Variants in CFAP100 observed in about 807,000 individuals in gnomAD.
CFAP100 encodes the protein cilia and flagella associated protein 100.
In CFAP100, 70 loss-of-function variants were observed where a neutral mutation model predicts 81.5. That is an observed-to-expected ratio of 0.86 (90% CI 0.71 to 1.05). The LOEUF (loss-of-function observed/expected upper bound fraction) is 1.05, where lower values mean the gene tolerates loss of function less well. Among genes scored for constraint, CFAP100 ranks in the 50% least tolerant of loss-of-function variants. The pLI is 0.00. For missense variants in CFAP100, 811 were observed against 776.5 expected, an observed-to-expected ratio of 1.04 and a Z score of -0.53; for synonymous variants, 341 against 314.8, an observed-to-expected ratio of 1.08 and a Z score of -0.88.
intron 2 of CFAP100, among the ~76,000 whole-genome samples, chr3:126,404,241 A>AT (rs1321851483): frequency 6.6e-6 from 1 of 150,486 alleles, no homozygotes; most frequent in African/African-American, 2.4e-5. Context: ...AAAGTTGGTG[A>AT]TGGAAGAGTA....
rs780366957 is a variant in CFAP100 at position 126,419,838 on chromosome 3, G to A, written c.913+20G>A. 8 of 1,612,376 alleles carry A rather than the reference G, an allele frequency of 5.0e-6. No homozygotes were observed. The South Asian group carries it at 6.6e-5, about 13-fold the overall frequency. On this transcript the variant is annotated intron_variant, in intron 9 of 16. Transcript: ENST00000352312. Reference sequence around the variant, plus strand: ...ACAAAGGTAGCAGAAAAGAGAATGTGGGTTCCCAGGTGGGCTCTGCCAGTG... The same window carrying A: ...ACAAAGGTAGCAGAAAAGAGAATGTAGGTTCCCAGGTGGGCTCTGCCAGTG...
chr3:126,419,760 C>A lies in CFAP100; in HGVS notation c.855C>A (p.Ala285=). 1.2e-6 allele frequency: 2 copies of A among 1,614,092 alleles called. No homozygotes were observed. Among genetic ancestry groups the A allele is most frequent in the Non-Finnish European group, 8.5e-7 (1 of 1,180,048 alleles). ...AGAAACACTCGTTTCTCAAAAAGGC[C>A]AAGGAGGTCTCCGAGGCTTCCAAAG... The part of the protein sequence containing the change: ...QEKKHSFLKK[A]KEVSEASKES... Residue 285 remains alanine (A), a synonymous_variant, in exon 9 of 17, where the codon GCC becomes GCA. Transcript: ENST00000352312.
chr3:126,409,383 A>G (rs1442067154), intron 3 of CFAP100, among the ~76,000 whole-genome samples: 1 of 152,176 alleles, frequency 6.6e-6, no homozygotes, highest in South Asian at 2.1e-4. Flanking sequence ...GTGAACATTT[A>G]GGTTGTTTCC....
intron 15 of CFAP100, among the ~76,000 whole-genome samples, chr3:126,434,821 A>G (rs1044092724): frequency 1.3e-5 from 2 of 152,204 alleles, no homozygotes; most frequent in Non-Finnish European, 2.9e-5. Context: ...GCCAGCACCC[A>G]GGAGAGAAGG....
intron 13 of CFAP100, among the ~76,000 whole-genome samples, chr3:126,427,231 G>A (rs1044034291): frequency 2.0e-5 from 3 of 152,198 alleles, no homozygotes; most frequent in Non-Finnish European, 4.4e-5. Flanking sequence ...CTGGGTGACT[G>A]ACACTAGCCA....
intron 3 of CFAP100, among the ~76,000 whole-genome samples, chr3:126,408,903 T>C (rs1301902556): frequency 6.6e-6 from 1 of 152,122 alleles, no homozygotes; most frequent in East Asian, 1.9e-4. Flanking sequence ...ATCCTCCTGC[T>C]TCAGCCTGCC....
intron 2 of CFAP100, among the ~76,000 whole-genome samples, chr3:126,399,717 A>G (rs1245588964): frequency 6.6e-6 from 1 of 152,232 alleles, no homozygotes; most frequent in Non-Finnish European, 1.5e-5. Flanking sequence ...TATCAGAAGC[A>G]ACTCTTCTGA....
rs367665389 is a variant in CFAP100 at position 126,416,179 on chromosome 3, T to C, written c.226-137T>C. ...AACAGCTGCCCTGCCTGCTTGGCTC[T>C]CAGCCCGGGACAGCAGTGTTCAGGT... On this transcript the variant is annotated intron_variant, in intron 4 of 16. Coordinates refer to ENST00000352312, the MANE Select transcript of CFAP100 (RefSeq NM_182628.3). 181 of 674,164 alleles carry C rather than the reference T, an allele frequency of 2.7e-4. 1 individual carries two copies. In the African/African-American group the frequency reaches 3.0e-3, roughly 11 times the overall value. The allele number at this position is 674,164 out of a possible 1,614,324, so 41.8% of individuals were successfully genotyped here.
At chr3:126,416,264 T>C in intron 4 of CFAP100, 52 bp from the exon 5 acceptor site, 2 of 1,506,932 alleles carry the variant, frequency 1.3e-6, no homozygotes, top group Non-Finnish European at 9.0e-7. Flanking sequence ...CGGGGAGGCC[T>C]GGACGCGGGT....
At chr3:126,423,724 G>A in intron 13 of CFAP100, 80 bp downstream of exon 13, 2 of 1,551,530 alleles carry the variant, frequency 1.3e-6, no homozygotes, top group Non-Finnish European at 1.8e-6. Context: ...GCCAAGTTGG[G>A]GAAACAGCCC....
intron 2 of CFAP100, among the ~76,000 whole-genome samples, chr3:126,400,546 G>A (rs979776987): frequency 6.6e-6 from 1 of 152,062 alleles, no homozygotes; most frequent in Non-Finnish European, 1.5e-5. Context: ...GAGGTCAGGA[G>A]ATTGAGACCA....
At chr3:126,433,351 G>A (rs564870692) in intron 14 of CFAP100, 147 bp downstream of exon 14, 8 of 917,284 alleles carry the variant, frequency 8.7e-6, no homozygotes, top group South Asian at 3.3e-5. Flanking sequence ...CTCCCTCCAG[G>A]AGCCACCACA....
In CFAP100 at chr3:126,423,324, G is replaced by A. The variant is rs748428119; in HGVS notation, c.1083-1G>A. ...GTCCCGACCCTGCCATCTCTTCGCA[G>A]GTCGAACTCTCCCATCCCCCCCACG... On this transcript the variant is annotated splice_acceptor_variant, in intron 11 of 16. Transcript: ENST00000352312. LOFTEE classifies it high-confidence loss of function. The A allele has an allele frequency of 1.2e-6, 2 of 1,612,890 alleles. No homozygotes were observed. The highest frequency in any genetic ancestry group is 2.2e-5 in the South Asian group (2 of 90,876).
At chr3:126,428,913 C>G (rs1464438167) in intron 13 of CFAP100, among the ~76,000 whole-genome samples, 3 of 151,872 alleles carry the variant, frequency 2.0e-5, no homozygotes, top group Non-Finnish European at 2.9e-5. Flanking sequence ...TCGAGACCAG[C>G]CTGGCCAACA....
At chr3:126,411,777 G>A (rs771166875) in intron 3 of CFAP100, among the ~76,000 whole-genome samples, 2 of 152,068 alleles carry the variant, frequency 1.3e-5, no homozygotes, top group Non-Finnish European at 2.9e-5. Flanking sequence ...TTCTAATTGA[G>A]TTTATTTGGA....
chr3:126,400,792 A>G (rs952759134), intron 2 of CFAP100, among the ~76,000 whole-genome samples: 8 of 152,238 alleles, frequency 5.3e-5, no homozygotes, highest in Admixed American at 1.3e-4. Flanking sequence ...CAGTTCCTCA[A>G]AAAGTTAAAC....
rs763372222 is a variant in CFAP100, at chr3:126,436,339, A to G, written c.1771A>G (p.Lys591Glu). ...CTCACGACCCCCAGCCCACAGGATC[A>G]AACAACAGTCTGAGCACACACTGAT... The part of the protein sequence containing the change: ...CRSRPPAHRI[K>E]QQSEHTLMDK... The change falls in exon 17 of 17, where the codon AAA (lysine) becomes GAA (glutamate). Residue 591 changes from lysine (K) to glutamate (E), a missense_variant. By Grantham distance (56) the Lys-to-Glu change is moderately conservative (BLOSUM62 1). Coordinates refer to ENST00000352312, the MANE Select transcript of CFAP100 (RefSeq NM_182628.3). 2.0e-5 allele frequency: 33 copies of G among 1,614,000 alleles called. No individual in the cohort carries two copies. The highest frequency in any genetic ancestry group is 2.5e-5 in the Non-Finnish European group (29 of 1,179,984).
chr3:126,418,780 C>T lies in CFAP100; in HGVS notation c.650+6C>T. Reference sequence around the variant, plus strand: ...TCCGTGCAGGCCATGAGAGCGTGAGCCTGCGGGCCCGAGGGGCTGGCTGGG... The same window carrying T: ...TCCGTGCAGGCCATGAGAGCGTGAGTCTGCGGGCCCGAGGGGCTGGCTGGG... On this transcript the variant is annotated splice_donor_region_variant and intron_variant, in intron 7 of 16. Transcript: ENST00000352312. 6.3e-7 allele frequency: 1 copy of T among 1,578,296 alleles called. No homozygotes were observed. Among genetic ancestry groups the T allele is most frequent in the Non-Finnish European group, 8.6e-7 (1 of 1,165,694 alleles).
intron 5 of CFAP100, chr3:126,418,006 G>T: frequency 5.8e-6 from 1 of 171,748 alleles, no homozygotes; most frequent in Non-Finnish European, 1.2e-5. Context: ...TTAAACCCTG[G>T]CAGTGTAGAC....
Sources: gnomAD v4.1 joint callset for allele counts (sites outside exome capture counted in the v4.1 genomes callset) on GRCh38, gnomAD v4.1.1 for gene constraint, MANE v1.5 for transcripts, NCBI Gene and HGNC (gene_info 2026-07-23, HGNC 2026-07-21) for gene names.